The following WDR37 variants were observed in gnomAD, a reference collection of about 807,000 sequenced individuals.
WDR37 encodes WD repeat domain 37.
In WDR37, 19 loss-of-function variants were observed where a neutral mutation model predicts 62.9. The ratio of observed to expected loss-of-function variants is 0.30; its 90% CI spans 0.21 to 0.44. The LOEUF is 0.44. Ranked by LOEUF, WDR37 falls within the 20% of genes least tolerant of loss-of-function variation. The pLI is 1.00. For missense variants in WDR37, 474 were observed against 657.6 expected, an observed-to-expected ratio of 0.72 and a Z score of 3.05; for synonymous variants, 250 against 260.9, an observed-to-expected ratio of 0.96 and a Z score of 0.40.
At chr10:1,119,096 G>A (rs758337250) in intron 11 of WDR37, among the ~76,000 whole-genome samples, 8 of 152,346 alleles carry the variant, frequency 5.3e-5, no homozygotes, top group East Asian at 1.9e-4. Flanking sequence ...CCAGAAGGCC[G>A]TGCTGCAAAA....
intron 1 of WDR37, among the ~76,000 whole-genome samples, chr10:1,063,290 G>C (rs1334664723): frequency 6.6e-6 from 1 of 152,288 alleles, no homozygotes; most frequent in East Asian, 1.9e-4. Context: ...CTCTGTGTCT[G>C]AAAGACCAGG....
chr10:1,061,479 G>A (rs990091266), intron 1 of WDR37, among the ~76,000 whole-genome samples: 3 of 152,138 alleles, frequency 2.0e-5, no homozygotes, highest in African/African-American at 7.2e-5. Flanking sequence ...CCTTGTGACA[G>A]ACAGGTTGTA....
intron 1 of WDR37, among the ~76,000 whole-genome samples, chr10:1,068,832 A>C (rs1833634286): frequency 6.6e-6 from 1 of 152,232 alleles, no homozygotes; most frequent in Non-Finnish European, 1.5e-5. Flanking sequence ...AAACAACCAA[A>C]TGTCTGTCAG....
intron 11 of WDR37, among the ~76,000 whole-genome samples, chr10:1,111,983 C>G (rs1232787962): frequency 6.6e-6 from 1 of 151,926 alleles, no homozygotes; most frequent in East Asian, 1.9e-4. Context: ...CTCACTGCAA[C>G]CTCCACCTCC....
chr10:1,107,297 T>C (rs1437296408), intron 11 of WDR37, among the ~76,000 whole-genome samples: 1 of 104,570 alleles, frequency 9.6e-6, no homozygotes, highest in Middle Eastern at 4.2e-3. Flanking sequence ...CTGGCACCAC[T>C]GTGTAGGGCG....
rs1835564687 is a variant in WDR37 at position 1,121,090 on chromosome 10, A to G, written c.1104-3128A>G. Among the ~76,000 whole-genome samples, 1 of 152,220 alleles carries G rather than the reference A, an allele frequency of 6.6e-6. No homozygotes were observed. Among genetic ancestry groups the G allele is most frequent in the South Asian group, 2.1e-4 (1 of 4,834 alleles). On this transcript the variant is annotated intron_variant, in intron 11 of 13. Transcript: ENST00000263150. The surrounding 1 kb of genome is among the most constrained non-coding windows in gnomAD (Gnocchi z 4.5). ...TTTCCAGTGCACGGCCGTGCGCGCC[A>G]GCCTCCCCATGGGACCTGTGGGCTG...
chr10:1,081,347 G>A (rs557527447), intron 5 of WDR37, among the ~76,000 whole-genome samples: 1 of 152,148 alleles, frequency 6.6e-6, no homozygotes, highest in Non-Finnish European at 1.5e-5. Flanking sequence ...CTGTACTTTG[G>A]CATATTTCAA....
chr10:1,090,308 G>A (rs138438768), intron 7 of WDR37, among the ~76,000 whole-genome samples: 98 of 152,290 alleles, frequency 6.4e-4, no homozygotes, highest in African/African-American at 2.1e-3. Flanking sequence ...ACAGGCACAT[G>A]CCACCACGCC....
At chr10:1,071,207 G>A (rs74120407) in intron 1 of WDR37, among the ~76,000 whole-genome samples, 7 of 152,284 alleles carry the variant, frequency 4.6e-5, no homozygotes, top group South Asian at 2.1e-4. Context: ...GCATGTTGGC[G>A]TCTGGGAGGT....
chr10:1,123,706 A>T (rs1314344753), intron 11 of WDR37: 2 of 152,732 alleles, frequency 1.3e-5, no homozygotes, highest in African/African-American at 4.8e-5. Context: ...TCTTTGGGAA[A>T]ATGTTGATCC....
intron 13 of WDR37, among the ~76,000 whole-genome samples, chr10:1,127,717 T>C (rs1835839957): frequency 6.6e-6 from 1 of 152,052 alleles, no homozygotes; most frequent in Non-Finnish European, 1.5e-5. Flanking sequence ...CTCTGTGACG[T>C]GGAGGCTCAC....
chr10:1,105,264 C>A lies in WDR37; in HGVS notation c.1100C>A (p.Thr367Lys). ...IHSVNVFQGH[T>K]DTVTSAVFTV... ...TCGGTGAATGTTTTCCAGGGACACA[C>A]GGAGTGAGTTGCGGTAGTTTAGACA... Residue 367 changes from threonine (T) to lysine (K), a missense_variant, in exon 11 of 14, where the codon ACG becomes AAG. Physicochemically the swap from Thr to Lys is moderately conservative, Grantham distance 78 (BLOSUM62 -1). Coordinates refer to ENST00000263150, the MANE Select transcript of WDR37 (RefSeq NM_014023.4). The surrounding 1 kb of genome is among the most constrained non-coding windows in gnomAD (Gnocchi z 5.3). The A allele has an allele frequency of 6.2e-7, 1 of 1,613,778 alleles. No individual in the cohort carries two copies. Among genetic ancestry groups the A allele is most frequent in the Non-Finnish European group, 8.5e-7 (1 of 1,179,868 alleles).
intron 11 of WDR37, among the ~76,000 whole-genome samples, chr10:1,110,781 G>A (rs1483144145): frequency 1.3e-5 from 2 of 152,244 alleles, no homozygotes; most frequent in Non-Finnish European, 2.9e-5. Context: ...CAGTGGCCAC[G>A]GCATCGCCAA....
At chr10:1,093,978 A>C (rs1169146133) in intron 8 of WDR37, among the ~76,000 whole-genome samples, 3 of 152,200 alleles carry the variant, frequency 2.0e-5, no homozygotes, top group Non-Finnish European at 4.4e-5. Flanking sequence ...AGTAGTTTTA[A>C]AAACGTGCCT....
At chr10:1,071,912 G>T (rs1217999665) in intron 1 of WDR37, among the ~76,000 whole-genome samples, 1 of 151,982 alleles carries the variant, frequency 6.6e-6, no homozygotes, top group Non-Finnish European at 1.5e-5. Context: ...AGATGTTAAT[G>T]AAATTTGATA....
chr10:1,095,916 C>T (rs932513142), intron 8 of WDR37, among the ~76,000 whole-genome samples: 3 of 152,200 alleles, frequency 2.0e-5, no homozygotes, highest in Non-Finnish European at 2.9e-5. Context: ...ACTTCCAGGA[C>T]TTTCTATGCT....
At chr10:1,123,252 G>C (rs893514546) in intron 11 of WDR37, among the ~76,000 whole-genome samples, 3 of 152,220 alleles carry the variant, frequency 2.0e-5, no homozygotes, top group Non-Finnish European at 4.4e-5. Flanking sequence ...TTAAGATAAA[G>C]ATTGTGGTTA....
rs192760722 is a variant in WDR37 at position 1,066,367 on chromosome 10, T to C, written c.-40-5749T>C. ...TCCTGACCTTGTGATCCGTCCACCT[T>C]GACCTCCCAAAGTGCTGGGATTATA... On this transcript the variant is annotated intron_variant, in intron 1 of 13. Coordinates refer to ENST00000263150, the MANE Select transcript of WDR37 (RefSeq NM_014023.4). 6.0e-3 allele frequency among the ~76,000 whole-genome samples: 883 copies of C among 146,988 alleles called. 18 individuals are homozygous for C. The highest frequency in any genetic ancestry group is 0.036 in the Admixed American group (544 of 15,168).
intron 7 of WDR37, among the ~76,000 whole-genome samples, chr10:1,087,122 CTCCTT>C (rs1834227531): frequency 6.6e-6 from 1 of 152,260 alleles, no homozygotes; most frequent in African/African-American, 2.4e-5. Context: ...AGGACCTCCT[CTCCTT>C]TGGCCATTCC....
Sources: gnomAD v4.1 joint callset for allele counts (sites outside exome capture counted in the v4.1 genomes callset) on GRCh38, gnomAD v4.1.1 for gene constraint, Gnocchi (gnomAD v3.1) non-coding constraint, MANE v1.5 for transcripts, NCBI Gene and HGNC (gene_info 2026-07-23, HGNC 2026-07-21) for gene names.